SNW1: variants seen among roughly 807,000 people sequenced by gnomAD.
SNW1 encodes SNW domain-containing protein 1.
SNW1 carries 9 observed loss-of-function variants against 75.6 expected under a neutral mutation model. The observed-to-expected ratio is 0.12, with a 90% confidence interval of 0.07 to 0.21. The LOEUF is 0.21. SNW1 is among the 10% of genes least tolerant of loss of function. The probability of loss-of-function intolerance (pLI) is 1.00; values close to 1 mark genes in which losing one functional copy is unlikely to be tolerated. For synonymous variants in SNW1, 200 were observed against 219.1 expected (o/e 0.91, Z 0.77); for missense variants, 409 against 670.9 (o/e 0.61, Z 4.31).
At chr14:77,757,196 A>G (rs1002485568) in intron 1 of SNW1, among the ~76,000 whole-genome samples, 2 of 151,906 alleles carry the variant, frequency 1.3e-5, no homozygotes. Flanking sequence ...TAAATGGAGA[A>G]AGACAGCTTA....
rs2080503422 is a variant in SNW1 at position 77,718,028 on chromosome 14, A to G, written c.*60T>C. The G allele has an allele frequency of 1.4e-6, 2 of 1,432,860 alleles. No individual in the cohort carries two copies. The highest frequency in any genetic ancestry group is 2.9e-5 in the South Asian group (2 of 67,918). The allele number at this position is 1,432,860 out of a possible 1,614,324, so 88.8% of individuals were successfully genotyped here. The stretch of plus-strand genomic sequence containing the variant: ...CTGACCATTTACAAAGTGTTCCCCC[A>G]TATGACTTGCATCATTAGGGTTATG... On this transcript the variant is annotated 3_prime_UTR_variant, in exon 14 of 14. Coordinates refer to ENST00000261531, the MANE Select transcript of SNW1 (RefSeq NM_012245.3).
chr14:77,752,136 C>T (rs1285982937), intron 2 of SNW1, among the ~76,000 whole-genome samples: 3 of 152,054 alleles, frequency 2.0e-5, no homozygotes, highest in African/African-American at 7.3e-5. Flanking sequence ...CATATAAATA[C>T]ATATTTTAGT....
At chr14:77,719,916 C>T (rs1405906033) in intron 12 of SNW1, among the ~76,000 whole-genome samples, 1 of 152,240 alleles carries the variant, frequency 6.6e-6, no homozygotes, top group Non-Finnish European at 1.5e-5. Context: ...TCCAGTAGAA[C>T]TTACACTTCT....
In SNW1 at chr14:77,751,520, A is replaced by G. The variant is rs1171909466; in HGVS notation, c.169-40T>C. On this transcript the variant is annotated intron_variant, in intron 2 of 13. Coordinates refer to ENST00000261531, the MANE Select transcript of SNW1 (RefSeq NM_012245.3). ...TAGTTAAATAAAATAGTTAATCATC[A>G]TTTGACATTCAAGATATATTCATTC... 8 of 1,481,348 alleles carry G rather than the reference A, an allele frequency of 5.4e-6. No homozygotes were observed. The African/African-American group carries it at 9.9e-5, about 18-fold the overall frequency. The allele number at this position is 1,481,348 out of a possible 1,614,324, so 91.8% of individuals were successfully genotyped here.
chr14:77,744,731 C>T (rs2080747263), intron 3 of SNW1, among the ~76,000 whole-genome samples: 1 of 152,054 alleles, frequency 6.6e-6, no homozygotes. Context: ...CACAACCTGC[C>T]AATGCCAAAT....
chr14:77,741,657 C>G (rs1415356015), intron 3 of SNW1, among the ~76,000 whole-genome samples: 1 of 152,116 alleles, frequency 6.6e-6, no homozygotes. Context: ...GATCATACAG[C>G]TACTATCTGA....
chr14:77,760,819 G>A, intron 1 of SNW1: 1 of 719,704 alleles, frequency 1.4e-6, no homozygotes, highest in Non-Finnish European at 2.5e-6. Flanking sequence ...CTGAGGGAGC[G>A]CTGTCCGCTC....
intron 10 of SNW1, among the ~76,000 whole-genome samples, chr14:77,728,451 C>CA (rs1027431910): frequency 6.6e-6 from 1 of 151,632 alleles, no homozygotes; most frequent in African/African-American, 2.4e-5. Context: ...AACTCCGTTT[C>CA]AAAAAAACCA....
intron 6 of SNW1, among the ~76,000 whole-genome samples, chr14:77,736,548 C>CAAAAAA (rs11441542): frequency 0.012 from 1,755 of 141,448 alleles, 42 homozygotes; most frequent in African/African-American, 0.04. Flanking sequence ...GACTGTCTCT[C>CAAAAAA]AAAAAACAAA....
intron 10 of SNW1, 63 bp from the exon 11 acceptor site, chr14:77,723,340 C>CGT: frequency 8.3e-7 from 1 of 1,211,158 alleles, no homozygotes; most frequent in Non-Finnish European, 1.2e-6. Flanking sequence ...TACGTGTACA[C>CGT]GTGTGTATAT....
intron 1 of SNW1, among the ~76,000 whole-genome samples, chr14:77,758,072 G>A (rs569271245): frequency 1.3e-5 from 2 of 152,210 alleles, no homozygotes; most frequent in East Asian, 3.9e-4. Context: ...GCTCACACCT[G>A]TAATTCCAAC....
intron 3 of SNW1, among the ~76,000 whole-genome samples, chr14:77,744,585 T>C (rs2080746297): frequency 6.6e-6 from 1 of 152,106 alleles, no homozygotes; most frequent in Non-Finnish European, 1.5e-5. Context: ...ACAGTTCTAC[T>C]CTATTTTGAA....
intron 3 of SNW1, among the ~76,000 whole-genome samples, chr14:77,743,112 C>T (rs1158239076): frequency 6.6e-6 from 1 of 151,868 alleles, no homozygotes; most frequent in East Asian, 2.0e-4. Context: ...GTAATCCCAG[C>T]TACTCAGGAG....
At chr14:77,722,086 A>T (rs992090108) in intron 11 of SNW1, among the ~76,000 whole-genome samples, 2 of 152,154 alleles carry the variant, frequency 1.3e-5, no homozygotes, top group Non-Finnish European at 2.9e-5. Flanking sequence ...AAAATGTATT[A>T]GGCTCATGGG....
At position 77,751,496 on chromosome 14, in the gene SNW1, A is replaced by G; in HGVS notation, c.169-16T>C. On this transcript the variant is annotated splice_polypyrimidine_tract_variant and intron_variant, in intron 2 of 13. Coordinates refer to ENST00000261531, the MANE Select transcript of SNW1 (RefSeq NM_012245.3). ...CTCCAAAATCCTACACATTAGAAGT[A>G]GTTAAATAAAATAGTTAATCATCAT... The G allele has an allele frequency of 6.4e-7, 1 of 1,563,200 alleles. No individual in the cohort carries two copies. Among genetic ancestry groups the G allele is most frequent in the South Asian group, 1.2e-5 (1 of 83,416 alleles).
intron 1 of SNW1, chr14:77,760,780 A>AC (rs2080882945): frequency 2.8e-6 from 2 of 704,930 alleles, no homozygotes; most frequent in East Asian, 5.4e-5. Flanking sequence ...ACCGTCACCA[A>AC]CCCCATCTCG....
chr14:77,753,106 A>G (rs909687188), intron 2 of SNW1, among the ~76,000 whole-genome samples: 2 of 152,218 alleles, frequency 1.3e-5, no homozygotes, highest in Non-Finnish European at 2.9e-5. Context: ...GCCTTCTTCC[A>G]CAGAACATTC....
intron 3 of SNW1, among the ~76,000 whole-genome samples, chr14:77,750,897 T>C (rs2080802496): frequency 6.6e-6 from 1 of 152,126 alleles, no homozygotes; most frequent in African/African-American, 2.4e-5. Context: ...ATAGAGTACA[T>C]GTAAGTACTC....
intron 10 of SNW1, among the ~76,000 whole-genome samples, chr14:77,726,088 T>C (rs2080582797): frequency 6.6e-6 from 1 of 152,192 alleles, no homozygotes; most frequent in African/African-American, 2.4e-5. Flanking sequence ...TTTTTTTTCT[T>C]TTTATTCAGG....
Sources: gnomAD v4.1 joint callset for allele counts (sites outside exome capture counted in the v4.1 genomes callset) on GRCh38, gnomAD v4.1.1 for gene constraint, MANE v1.5 for transcripts, NCBI Gene and HGNC (gene_info 2026-07-23, HGNC 2026-07-21) for gene names.